Variants in HS1BP3 observed in about 807,000 individuals in gnomAD.
HS1BP3 encodes HCLS1-binding protein 3.
A neutral mutation model predicts 33.5 loss-of-function variants in HS1BP3; 32 were observed. That is an observed-to-expected ratio of 0.95 (90% confidence interval 0.72 to 1.28). The LOEUF is 1.28. Ranked by LOEUF, HS1BP3 falls within the 50% of genes most tolerant of loss-of-function variation. The probability of loss-of-function intolerance (pLI) is 0.00; values close to 1 mark genes in which losing one functional copy is unlikely to be tolerated. For missense variants in HS1BP3, 486 were observed against 502.3 expected, an observed-to-expected ratio of 0.97 and a Z score of 0.31; for synonymous variants, 187 against 209.2, an observed-to-expected ratio of 0.89 and a Z score of 0.92.
rs35644786 is a variant in HS1BP3, at chr2:20,601,770, C to CTTTTTTTTTT, written c.179-3515_179-3506dup. On this transcript the variant is annotated intron_variant, in intron 2 of 3. Transcript: ENST00000415264. Reference sequence around the variant, plus strand: ...ATCACCCAGTTTTCAAGTGTGTCTTCTTTTTTTTTTTTTTTTTTTTTTTTT... The same window carrying CTTTTTTTTTT: ...ATCACCCAGTTTTCAAGTGTGTCTTCTTTTTTTTTTTTTTTTTTTTTTTTTTTTTTTTTTT... Among the ~76,000 whole-genome samples the CTTTTTTTTTT allele has an allele frequency of 7.2e-5, 5 of 69,150 alleles. 1 individual carries two copies. The highest frequency in any genetic ancestry group is 5.4e-4 in the East Asian group (1 of 1,854). 45.4% of individuals were successfully genotyped at this position (69,150 alleles called of 152,430 possible).
chr2:20,595,969 T>G (rs942387956), intron 3 of HS1BP3, among the ~76,000 whole-genome samples: 4 of 152,212 alleles, frequency 2.6e-5, no homozygotes, highest in Non-Finnish European at 5.9e-5. Flanking sequence ...CACTGGGACC[T>G]TAGTTCAAAG....
intron 5 of HS1BP3, among the ~76,000 whole-genome samples, chr2:20,579,331 C>T (rs1385001639): frequency 6.6e-6 from 1 of 152,264 alleles, no homozygotes; most frequent in Admixed American, 6.5e-5. Context: ...CATCCAGCCT[C>T]CTGGCTGTTA....
At chr2:20,619,496 C>G (rs1008341774) in intron 6 of HS1BP3, among the ~76,000 whole-genome samples, 2 of 152,320 alleles carry the variant, frequency 1.3e-5, no homozygotes, top group East Asian at 3.9e-4. Flanking sequence ...GCAGGCCCCA[C>G]GCAGCCTCCT....
intron 3 of HS1BP3, chr2:20,640,700 G>A: frequency 5.1e-6 from 3 of 590,518 alleles, no homozygotes; most frequent in Non-Finnish European, 9.3e-6. Flanking sequence ...CTAGGAATGG[G>A]GCTGGCCAGG....
chr2:20,604,368 C>G (rs1558330966), intron 2 of HS1BP3, among the ~76,000 whole-genome samples: 1 of 152,168 alleles, frequency 6.6e-6, no homozygotes, highest in African/African-American at 2.4e-5. Context: ...TTAAAGACTG[C>G]CCCGGGACAG....
chr2:20,585,143 C>G (rs1176545108), intron 5 of HS1BP3, among the ~76,000 whole-genome samples: 4 of 152,084 alleles, frequency 2.6e-5, no homozygotes, highest in Non-Finnish European at 5.9e-5. Context: ...GGAGCTCAGC[C>G]CCTCCTCCCA....
At chr2:20,637,709 C>T (rs1865678) in intron 4 of HS1BP3, 43,657 of 151,968 alleles carry the variant, frequency 0.29, 6,584 homozygotes, top group East Asian at 0.56. Flanking sequence ...TTCTACTGGG[C>T]TCTAATTCCT....
At chr2:20,638,020 T>C in intron 4 of HS1BP3, 1 of 300,954 alleles carries the variant, frequency 3.3e-6, no homozygotes, top group South Asian at 9.5e-5. Context: ...AGGGCCAAGG[T>C]GAATGCTCCT....
chr2:20,645,304 A>G, intron 2 of HS1BP3, 36 bp downstream of exon 2: 1 of 1,597,136 alleles, frequency 6.3e-7, no homozygotes, highest in Non-Finnish European at 8.5e-7. Context: ...GACCCCGGGC[A>G]CCCTCGAAAC....
At chr2:20,621,133 G>C (rs774253541) in intron 6 of HS1BP3, among the ~76,000 whole-genome samples, 2 of 152,242 alleles carry the variant, frequency 1.3e-5, no homozygotes, top group Non-Finnish European at 2.9e-5. Flanking sequence ...CTTGCCCTGG[G>C]GCAGGGCCGG....
intron 5 of HS1BP3, among the ~76,000 whole-genome samples, chr2:20,585,671 C>T (rs1693663527): frequency 6.6e-6 from 1 of 152,210 alleles, no homozygotes; most frequent in Non-Finnish European, 1.5e-5. Context: ...CTGCTATCTC[C>T]AAATACTAGA....
At chr2:20,605,294 A>T (rs1166303274) in intron 2 of HS1BP3, among the ~76,000 whole-genome samples, 1 of 152,034 alleles carries the variant, frequency 6.6e-6, no homozygotes, top group Admixed American at 6.5e-5. Context: ...CATGCCTTCC[A>T]TCCTCCACAC....
chr2:20,553,995 C>T, the HS1BP3 span, among the ~76,000 whole-genome samples: 1 of 152,158 alleles, frequency 6.6e-6, no homozygotes, highest in Non-Finnish European at 1.5e-5. Flanking sequence ...TACCAGGAAC[C>T]AGAGTATCAG....
rs1247086160 is a variant in HS1BP3, at chr2:20,619,058, C to G, written c.1108G>C (p.Asp370His). ...QKPQEQIQAM[D>H]EMDILQYIQD... ...ATGTACTGCAAGATGTCCATCTCGT[C>G]CATGGCTTGGATCTGCTCCTGCGGC... is the stretch of plus-strand genomic sequence containing the variant. The change falls in exon 7 of 7, where the codon GAC becomes CAC. Residue 370 changes from aspartate to histidine, a missense_variant. Transcript: ENST00000304031. 8.1e-6 allele frequency: 13 copies of G among 1,614,102 alleles called. No individual in the cohort carries two copies. Among genetic ancestry groups the G allele is most frequent in the Non-Finnish European group, 1.1e-5 (13 of 1,180,036 alleles).
Position 20,646,959 on chromosome 2 carries a change from G to A in HS1BP3, c.33-1454C>T, listed in dbSNP as rs74541591. Among the ~76,000 whole-genome samples, 1,147 of 152,336 alleles carry A rather than the reference G, an allele frequency of 7.5e-3. 18 individuals carry two copies. The highest frequency in any genetic ancestry group is 0.026 in the African/African-American group (1,064 of 41,576). ...CTCACCCGGCATGAGGTGGAGCTGC[G>A]TTCAATCCCAGGCAGCTGCTCCAGA... On this transcript the variant is annotated intron_variant, in intron 1 of 6. Coordinates refer to ENST00000304031, the MANE Select transcript of HS1BP3 (RefSeq NM_022460.4).
intron 3 of HS1BP3, among the ~76,000 whole-genome samples, chr2:20,597,625 T>C (rs1192468085): frequency 6.6e-6 from 1 of 151,788 alleles, no homozygotes; most frequent in Non-Finnish European, 1.5e-5. Context: ...TTATATGCCA[T>C]GCATGTCAAC....
chr2:20,599,773 G>A (rs1315817395), intron 2 of HS1BP3, among the ~76,000 whole-genome samples: 1 of 152,058 alleles, frequency 6.6e-6, no homozygotes, highest in Non-Finnish European at 1.5e-5. Context: ...TGCCTGATTA[G>A]CACTGTGCCC....
rs777522521 is a variant in HS1BP3 at position 20,641,103 on chromosome 2, TG to T, written c.275del (p.Pro92HisfsTer41). 2 of 1,613,642 alleles carry T rather than the reference TG, an allele frequency of 1.2e-6. No individual in the cohort carries two copies. Among genetic ancestry groups the T allele is most frequent in the Non-Finnish European group, 8.5e-7 (1 of 1,179,982 alleles). ...SSRYAAASLP[P>X]LPRKVLFVGE... is the part of the protein sequence containing the mutation. ...CAACAAACAGGACCTTCCTGGGTAG[TG>T]GGGGGAGGCTGGCTGCTGCATAACG... On this transcript the variant is annotated frameshift_variant, in exon 3 of 7. Coordinates refer to ENST00000304031, the MANE Select transcript of HS1BP3 (RefSeq NM_022460.4). LOFTEE classifies it high-confidence loss of function.
rs75401609 is a variant in HS1BP3, at chr2:20,573,787, C to T, written c.303-13272G>A. On this transcript the variant is annotated intron_variant, in intron 5 of 5. Transcript: ENST00000446825. Reference sequence around the variant, plus strand: ...TAGCAAAGCCCGGAATCCAGACAGCCTCCGGTCAGGACCATTCATCGGTGC... The same window carrying T: ...TAGCAAAGCCCGGAATCCAGACAGCTTCCGGTCAGGACCATTCATCGGTGC... Among the ~76,000 whole-genome samples the T allele has an allele frequency of 7.2e-3, 1,103 of 152,306 alleles. 13 individuals carry two copies. The highest frequency in any genetic ancestry group is 0.024 in the African/African-American group (1,013 of 41,564).
Sources: gnomAD v4.1 joint callset for allele counts (sites outside exome capture counted in the v4.1 genomes callset) on GRCh38, gnomAD v4.1.1 for gene constraint, MANE v1.5 for transcripts, NCBI Gene and HGNC (gene_info 2026-07-23, HGNC 2026-07-21) for gene names.